Variants in NEK10 observed in about 807,000 individuals in gnomAD.
NEK10 encodes the protein NIMA related kinase 10.
A neutral mutation model predicts 159.8 loss-of-function variants in NEK10; 122 were observed. That is an observed-to-expected ratio of 0.76 (90% CI 0.66 to 0.89). The LOEUF is 0.89. Ranked by LOEUF, NEK10 falls within the 40% of genes least tolerant of loss-of-function variation. NEK10 has a pLI of 0.00. For synonymous variants in NEK10, 466 were observed against 457.1 expected, an observed-to-expected ratio of 1.02 and a Z score of -0.25; for missense variants, 1,342 against 1,323.1, an observed-to-expected ratio of 1.01 and a Z score of -0.22.
At chr3:27,192,654 T>C (rs1470593336) in intron 25 of NEK10, among the ~76,000 whole-genome samples, 2 of 151,806 alleles carry the variant, frequency 1.3e-5, no homozygotes, top group African/African-American at 4.8e-5. Flanking sequence ...ATATTCTAAA[T>C]TCTTAGACTG....
chr3:27,230,062 T>A (rs919604292), intron 23 of NEK10, among the ~76,000 whole-genome samples: 1 of 152,004 alleles, frequency 6.6e-6, no homozygotes, highest in African/African-American at 2.4e-5. Flanking sequence ...CAAAAGCACA[T>A]AGTTATCAGG....
intron 30 of NEK10, among the ~76,000 whole-genome samples, chr3:27,149,648 C>G (rs1407264577): frequency 6.6e-6 from 1 of 152,090 alleles, no homozygotes; most frequent in Non-Finnish European, 1.5e-5. Context: ...TTCCATCAAC[C>G]AGCCATTCCC....
chr3:27,276,383 G>T (rs886362750), intron 22 of NEK10, among the ~76,000 whole-genome samples: 1 of 151,948 alleles, frequency 6.6e-6, no homozygotes. Flanking sequence ...TGACCTGAGT[G>T]GCAGAAGGGA....
chr3:27,154,543 C>A (rs966021758), intron 30 of NEK10, among the ~76,000 whole-genome samples: 7 of 152,074 alleles, frequency 4.6e-5, no homozygotes, highest in Non-Finnish European at 2.9e-5. Context: ...ATGGTAAAAT[C>A]CTTAACAAAA....
intron 26 of NEK10, among the ~76,000 whole-genome samples, chr3:27,185,728 C>A (rs1948554990): frequency 6.6e-6 from 1 of 152,164 alleles, no homozygotes; most frequent in Non-Finnish European, 1.5e-5. Context: ...TCCCTGGCTG[C>A]TAACAGTGAT....
In NEK10 at chr3:27,174,721, C is replaced by T. The variant is rs567214967; in HGVS notation, c.2618G>A (p.Gly873Asp). Residue 873 changes from glycine to aspartate, a missense_variant, in exon 27 of 36, where the codon GGT (glycine) becomes GAT (aspartate). Gly to Asp is a moderately conservative substitution (Grantham distance 94). Transcript: ENST00000691995. Reference sequence around the variant, plus strand: ...GTCACAGGCCCTGTCTTCGTCTTTACCATAGGAGGCCTGGAAGCCTTCAGG... The same window carrying T: ...GTCACAGGCCCTGTCTTCGTCTTTATCATAGGAGGCCTGGAAGCCTTCAGG... Reference protein sequence around the residue: ...LPPEGFQASYGKDEDRACDEI... With the variant: ...LPPEGFQASYDKDEDRACDEI... The T allele has an allele frequency of 1.9e-6, 3 of 1,613,614 alleles. No individual in the cohort carries two copies. Among genetic ancestry groups the T allele is most frequent in the East Asian group, 2.2e-5 (1 of 44,852 alleles).
intron 23 of NEK10, chr3:27,253,048 A>G (rs1955825331): frequency 2.7e-6 from 1 of 371,614 alleles, no homozygotes; most frequent in Non-Finnish European, 5.3e-6. Flanking sequence ...TGCAGTTAAT[A>G]GGCATGCTTC....
chr3:27,173,484 C>G (rs1204684169), intron 28 of NEK10, among the ~76,000 whole-genome samples: 1 of 152,170 alleles, frequency 6.6e-6, no homozygotes, highest in Non-Finnish European at 1.5e-5. Context: ...AGGCAGGGAT[C>G]TACGGAGAAA....
intron 22 of NEK10, among the ~76,000 whole-genome samples, chr3:27,282,364 AC>A (rs1172585379): frequency 2.0e-5 from 3 of 151,868 alleles, no homozygotes; most frequent in Non-Finnish European, 4.4e-5. Flanking sequence ...AAACCAGGCT[AC>A]TGCAATAAAA....
chr3:27,274,023 T>C (rs1422738404), intron 22 of NEK10, among the ~76,000 whole-genome samples: 2 of 152,202 alleles, frequency 1.3e-5, no homozygotes, highest in African/African-American at 4.8e-5. Context: ...CCAACTACTA[T>C]TAATATTAAA....
rs527353025 is a variant in NEK10, at chr3:27,215,198, T to C, written c.2091-12641A>G. ...CACATAAAGATAATCCTTTCTTCTC[T>C]CTTTCTGCACAATATAGATTTTCAA... On this transcript the variant is annotated intron_variant, in intron 23 of 35. Coordinates refer to ENST00000691995, the MANE Select transcript of NEK10 (RefSeq NM_001394966.1). Among the ~76,000 whole-genome samples the C allele has an allele frequency of 7.2e-5, 11 of 152,348 alleles. No homozygotes were observed. In the East Asian group the frequency reaches 2.1e-3, roughly 29 times the overall value.
chr3:27,322,441 T>C (rs2045708785), intron 5 of NEK10, among the ~76,000 whole-genome samples, 180 bp from the exon 6 acceptor site: 1 of 150,898 alleles, frequency 6.6e-6, no homozygotes. Flanking sequence ...ATTTAAACTA[T>C]CTTTTTCAGT....
At chr3:27,311,971 C>T (rs1424641426) in intron 8 of NEK10, 128 bp downstream of exon 8, 3 of 688,398 alleles carry the variant, frequency 4.4e-6, no homozygotes, top group East Asian at 2.8e-5. Flanking sequence ...GGCCTGGATG[C>T]TCAACACCTG....
chr3:27,345,079 A>G (rs927028550), intron 4 of NEK10, among the ~76,000 whole-genome samples: 1 of 152,246 alleles, frequency 6.6e-6, no homozygotes, highest in Non-Finnish European at 1.5e-5. Flanking sequence ...TACCAAATAC[A>G]TGATACAATA....
chr3:27,214,062 C>G (rs914829256), intron 23 of NEK10, among the ~76,000 whole-genome samples: 3 of 152,182 alleles, frequency 2.0e-5, no homozygotes, highest in African/African-American at 7.2e-5. Flanking sequence ...ATATCTTAAC[C>G]CAGACACTTG....
intron 23 of NEK10, among the ~76,000 whole-genome samples, chr3:27,212,517 T>C (rs1196846831): frequency 6.6e-6 from 1 of 152,254 alleles, no homozygotes; most frequent in African/African-American, 2.4e-5. Context: ...TCTGTCTCCC[T>C]ATTCCCATTT....
At chr3:27,343,212 T>C (rs1013851571) in intron 5 of NEK10, among the ~76,000 whole-genome samples, 2 of 152,162 alleles carry the variant, frequency 1.3e-5, no homozygotes, top group African/African-American at 4.8e-5. Flanking sequence ...TTAAGTCCAA[T>C]ACTTAAATAC....
intron 22 of NEK10, among the ~76,000 whole-genome samples, chr3:27,267,332 C>T (rs1575522968): frequency 6.6e-6 from 1 of 152,254 alleles, no homozygotes; most frequent in East Asian, 1.9e-4. Context: ...GAGGTAGTAG[C>T]TGCTTATATA....
At chr3:27,285,891 TA>T (rs2042558389) in intron 20 of NEK10, among the ~76,000 whole-genome samples, 1 of 152,296 alleles carries the variant, frequency 6.6e-6, no homozygotes, top group African/African-American at 2.4e-5. Flanking sequence ...TACCATAATT[TA>T]TTTAATCATT....
Sources: gnomAD v4.1 joint callset for allele counts (sites outside exome capture counted in the v4.1 genomes callset) on GRCh38, gnomAD v4.1.1 for gene constraint, MANE v1.5 for transcripts, NCBI Gene and HGNC (gene_info 2026-07-23, HGNC 2026-07-21) for gene names.